The following VBP1 variants were observed in gnomAD, a reference collection of about 807,000 sequenced individuals.
The protein encoded by VBP1 is prefoldin subunit 3.
Under a neutral mutation model 15.5 loss-of-function variants are expected in VBP1, and 4 were observed. The observed-to-expected ratio is 0.26, with a 90% CI of 0.13 to 0.59. The LOEUF (loss-of-function observed/expected upper bound fraction) is 0.59, where lower values mean the gene tolerates loss of function less well. Among genes scored for constraint, VBP1 ranks in the 20% least tolerant of loss-of-function variants. The pLI is 0.90. For synonymous variants in VBP1, 61 were observed against 52.1 expected (o/e 1.17, Z -0.74); for missense variants, 108 against 139.6 (o/e 0.77, Z 1.14).
chrX:155,207,295 C>T (rs782597264), intron 1 of VBP1, among the ~76,000 whole-genome samples: 21 of 111,781 alleles, frequency 1.9e-4, no homozygotes, highest in Non-Finnish European at 3.8e-4. Context: ...GAGAATCCCA[C>T]TCCTCAGGCA....
rs782456440 is a variant in VBP1 at position 155,209,797 on chromosome X, C to T, written c.78+816C>T. On this transcript the variant is annotated intron_variant, in intron 2 of 6. Transcript: ENST00000535916. ...AGGTGTTAGATAATGAGAAAAATGACGAGAGTTTTGTATTAAAATATTTGT... is the reference window on the plus strand; with the variant it reads ...AGGTGTTAGATAATGAGAAAAATGATGAGAGTTTTGTATTAAAATATTTGT... 9.9e-5 allele frequency among the ~76,000 whole-genome samples: 11 copies of T among 111,427 alleles called. No homozygotes were observed. The East Asian group carries it at 1.4e-3, about 14-fold the overall frequency.
At position 155,221,224 on chromosome X, in the gene VBP1, C is replaced by T. The variant is rs950702608; in HGVS notation, c.218+917C>T. On this transcript the variant is annotated intron_variant, in intron 2 of 5. Transcript: ENST00000286428. ...GCATGCGCTTGTAATCCCAGCTACTCGGGAGGCTGAGTTGGGAGAATTGCT... is the reference window on the plus strand; with the variant it reads ...GCATGCGCTTGTAATCCCAGCTACTTGGGAGGCTGAGTTGGGAGAATTGCT... Among the ~76,000 whole-genome samples the T allele has an allele frequency of 7.2e-5, 8 of 110,493 alleles. No individual in the cohort carries two copies. In the East Asian group the frequency reaches 8.5e-4, roughly 12 times the overall value.
At chrX:155,233,453 G>A (rs1282554534) in intron 4 of VBP1, among the ~76,000 whole-genome samples, 2 of 111,823 alleles carry the variant, frequency 1.8e-5, no homozygotes, top group African/African-American at 6.5e-5. Context: ...CTGCCAGCCA[G>A]AAAAAGTTCT....
chrX:155,222,543 G>T (rs782394941), intron 2 of VBP1, among the ~76,000 whole-genome samples: 3 of 111,376 alleles, frequency 2.7e-5, no homozygotes, highest in Non-Finnish European at 3.8e-5. Context: ...GGAAATTTGC[G>T]TATCAAACTT....
rs781914242 is a variant in VBP1, at chrX:155,207,095, T to C, written c.-30-1779T>C. ...GTTAGGCATCAGTAACCAAAGTCCA[T>C]TTATTAGTATAACAGGGCTTGAGGC... On this transcript the variant is annotated intron_variant, in intron 1 of 6. Transcript: ENST00000535916. Among the ~76,000 whole-genome samples, 7 of 111,505 alleles carry C rather than the reference T, an allele frequency of 6.3e-5. No individual in the cohort carries two copies. The East Asian group carries it at 2.0e-3, about 31-fold the overall frequency.
At chrX:155,206,629 T>C (rs1557308072) in intron 1 of VBP1, among the ~76,000 whole-genome samples, 1 of 109,991 alleles carries the variant, frequency 9.1e-6, no homozygotes, top group Non-Finnish European at 1.9e-5. Context: ...AGTAAGAGTG[T>C]GCTGAGAGAA....
chrX:155,199,884 C>T (rs1341875544), intron 1 of VBP1, among the ~76,000 whole-genome samples: 1 of 111,906 alleles, frequency 8.9e-6, no homozygotes, highest in African/African-American at 3.2e-5. Flanking sequence ...CAGAGACACA[C>T]ATAGGCTCAA....
At chrX:155,209,244 T>A (rs1602871700) in intron 2 of VBP1, among the ~76,000 whole-genome samples, 1 of 112,564 alleles carries the variant, frequency 8.9e-6, no homozygotes, top group East Asian at 2.8e-4. Context: ...TTCATTTATT[T>A]GTTTATTCAG....
chrX:155,226,486 AAAG>A (rs2074720582), intron 2 of VBP1, among the ~76,000 whole-genome samples: 1 of 112,163 alleles, frequency 8.9e-6, no homozygotes. Flanking sequence ...CCTCATTTGA[AAAG>A]AAGAGCATTT....
intron 1 of VBP1, among the ~76,000 whole-genome samples, chrX:155,202,617 G>T (rs376713268): frequency 0.29 from 30,013 of 103,695 alleles, 4,417 homozygotes; most frequent in African/African-American, 0.47. Context: ...TCAAGATGGA[G>T]TAAAGACTTA....
Position 155,238,839 on chromosome X carries a change from A to G in VBP1, c.591A>G (p.Ala197=), listed in dbSNP as rs2074786072. 3.3e-6 allele frequency: 4 copies of G among 1,198,811 alleles called. No homozygotes were observed. The highest frequency in any genetic ancestry group is 4.5e-6 in the Non-Finnish European group (4 of 889,184). ...RNKDDSTKNK[A] Reference sequence around the variant, plus strand: ...AGGATGACTCTACCAAGAACAAAGCATAATGCTGGCAATTAAAAATGTGGT... The same window carrying G: ...AGGATGACTCTACCAAGAACAAAGCGTAATGCTGGCAATTAAAAATGTGGT... Residue 197 remains alanine (A), a synonymous_variant, in exon 6 of 6, where the codon GCA becomes GCG. Transcript: ENST00000286428.
chrX:155,230,718 C>G (rs1292033292), intron 4 of VBP1, among the ~76,000 whole-genome samples: 1 of 108,886 alleles, frequency 9.2e-6, no homozygotes, highest in African/African-American at 3.4e-5. Context: ...GAGTCTCACT[C>G]TGTTGCCCAG....
At chrX:155,228,696 C>T (rs1197266528) in intron 4 of VBP1, among the ~76,000 whole-genome samples, 6 of 111,790 alleles carry the variant, frequency 5.4e-5, no homozygotes, top group Non-Finnish European at 1.1e-4. Flanking sequence ...CGATGAAGAT[C>T]GCAGTAAAAA....
intron 1 of VBP1, among the ~76,000 whole-genome samples, chrX:155,202,294 T>C (rs1416130804): frequency 1.8e-5 from 2 of 111,257 alleles, no homozygotes; most frequent in African/African-American, 6.5e-5. Flanking sequence ...GAGCCCGCAT[T>C]GCCAAGTCAA....
intron 2 of VBP1, among the ~76,000 whole-genome samples, chrX:155,223,094 T>C (rs1264531056): frequency 9.1e-6 from 1 of 109,339 alleles, no homozygotes; most frequent in African/African-American, 3.4e-5. Flanking sequence ...TGGCTCTATG[T>C]AGTTTACATG....
intron 2 of VBP1, among the ~76,000 whole-genome samples, chrX:155,223,821 G>A (rs1431190997): frequency 3.7e-5 from 4 of 107,506 alleles, no homozygotes; most frequent in Non-Finnish European, 3.9e-5. Flanking sequence ...CTGGCCGGGC[G>A]GGGGCTGCCC....
intron 2 of VBP1, among the ~76,000 whole-genome samples, chrX:155,209,370 CAGAG>C (rs1271315825): frequency 8.9e-6 from 1 of 111,993 alleles, no homozygotes; most frequent in Non-Finnish European, 1.9e-5. Flanking sequence ...TAAAAATAGA[CAGAG>C]AGTTAACAGA....
chrX:155,200,845 A>G (rs1377546585), intron 1 of VBP1, among the ~76,000 whole-genome samples: 2 of 110,912 alleles, frequency 1.8e-5, no homozygotes, highest in African/African-American at 6.6e-5. Context: ...AGGATCAACA[A>G]AATTGATAGA....
chrX:155,208,765 A>G (rs1411783411), intron 1 of VBP1: 1 of 421,721 alleles, frequency 2.4e-6, no homozygotes, highest in East Asian at 4.1e-5. Context: ...TTAAATATTA[A>G]TATAATATTT....
Sources: gnomAD v4.1 joint callset for allele counts (sites outside exome capture counted in the v4.1 genomes callset) on GRCh38, gnomAD v4.1.1 for gene constraint, MANE v1.5 for transcripts, NCBI Gene and HGNC (gene_info 2026-07-23, HGNC 2026-07-21) for gene names.